ENTPD6: variants seen among roughly 807,000 people sequenced by gnomAD.
The protein encoded by ENTPD6 is ectonucleoside triphosphate diphosphohydrolase 6, also known as CD39 antigen-like 2.
A neutral mutation model predicts 61.5 loss-of-function variants in ENTPD6; 46 were observed. That is an observed-to-expected ratio of 0.75 (90% confidence interval 0.59 to 0.96). The LOEUF (loss-of-function observed/expected upper bound fraction) is 0.96. Among genes scored for constraint, ENTPD6 ranks in the 40% least tolerant of loss-of-function variants. The probability of loss-of-function intolerance (pLI) is 0.00; values close to 1 mark genes in which losing one functional copy is unlikely to be tolerated. For missense variants in ENTPD6, 612 were observed against 629.0 expected, an observed-to-expected ratio of 0.97 and a Z score of 0.29; for synonymous variants, 252 against 255.5, an observed-to-expected ratio of 0.99 and a Z score of 0.13.
rs1389696093 is a variant in ENTPD6, at chr20:25,207,392, C to A, written c.371C>A (p.Pro124His). The A allele has an allele frequency of 6.5e-7, 1 of 1,527,604 alleles. No individual in the cohort carries two copies. Among genetic ancestry groups the A allele is most frequent in the Non-Finnish European group, 8.8e-7 (1 of 1,134,074 alleles). The allele number at this position is 1,527,604 out of a possible 1,614,324, so 94.6% of individuals were successfully genotyped here. ...CACGTCTTCCAGTTCACCCGGCCCCCCAGAGGTACCCGCCTCTCATGGCAG... is the reference window on the plus strand; with the variant it reads ...CACGTCTTCCAGTTCACCCGGCCCCACAGAGGTACCCGCCTCTCATGGCAG... ...RVHVFQFTRP[P>H]RETPTLTHET... is the part of the protein sequence containing the mutation. Residue 124 changes from proline to histidine, a missense_variant, in exon 3 of 15, where the codon CCC (proline) becomes CAC (histidine). Pro to His is a moderately conservative substitution (Grantham distance 77). Coordinates refer to ENST00000376652, the MANE Select transcript of ENTPD6 (RefSeq NM_001247.5).
chr20:25,197,282 CCAA>C (rs1384357241), intron 1 of ENTPD6: 3 of 969,746 alleles, frequency 3.1e-6, no homozygotes, highest in South Asian at 4.8e-5. Context: ...GCTCCTACCA[CCAA>C]CAACACTGCT....
chr20:25,223,026 G>A (rs749139419), intron 12 of ENTPD6, 48 bp downstream of exon 12: 1 of 1,514,336 alleles, frequency 6.6e-7, no homozygotes, highest in Non-Finnish European at 9.0e-7. Flanking sequence ...GCGGCAGGGG[G>A]CGGGGGTGGA....
intron 2 of ENTPD6, among the ~76,000 whole-genome samples, 189 bp downstream of exon 2, chr20:25,206,779 T>A (rs1012245939): frequency 6.6e-6 from 1 of 152,226 alleles, no homozygotes; most frequent in African/African-American, 2.4e-5. Flanking sequence ...TGTCCCAAGC[T>A]GGTGGGACCC....
intron 4 of ENTPD6, among the ~76,000 whole-genome samples, chr20:25,211,854 G>A (rs1381568137): frequency 2.6e-5 from 4 of 152,090 alleles, no homozygotes; most frequent in Admixed American, 2.6e-4. Context: ...TATCACCCAG[G>A]CTGGAGTGCA....
chr20:25,206,933 G>T, intron 2 of ENTPD6, 143 bp from the exon 3 acceptor site: 1 of 736,762 alleles, frequency 1.4e-6, no homozygotes, highest in Non-Finnish European at 2.2e-6. Flanking sequence ...TAATTATGAG[G>T]CTCAAATGAA....
At chr20:25,202,422 G>A (rs6050429) in intron 1 of ENTPD6, among the ~76,000 whole-genome samples, 83,120 of 151,906 alleles carry the variant, frequency 0.55, 23,750 homozygotes, top group East Asian at 0.92. Flanking sequence ...TGTTTTTGAT[G>A]TTTTGTTATT....
intron 11 of ENTPD6, chr20:25,222,210 C>G (rs1378814648): frequency 6.5e-6 from 1 of 153,020 alleles, no homozygotes; most frequent in Non-Finnish European, 1.5e-5. Context: ...GTGGGGGACA[C>G]CAGGAGGAAA....
rs565323909 is a variant in ENTPD6 at position 25,207,219 on chromosome 20, C to T, written c.198C>T (p.Thr66=). The T allele has an allele frequency of 4.6e-5, 74 of 1,614,084 alleles. No homozygotes were observed. The highest frequency in any genetic ancestry group is 2.9e-4 in the South Asian group (26 of 91,078). Reference sequence around the variant, plus strand: ...CCTACATCAAGTGGCACCGGGCCACCGCCACCCAGGCCTTCTTCAGCATCA... The same window carrying T: ...CCTACATCAAGTGGCACCGGGCCACTGCCACCCAGGCCTTCTTCAGCATCA... ...YVAYIKWHRA[T]ATQAFFSITR... The change falls in exon 3 of 15, where the codon ACC becomes ACT. Residue 66 remains threonine (T), a synonymous_variant. Transcript: ENST00000376652.
intron 11 of ENTPD6, chr20:25,221,783 T>C (rs1465412162): frequency 7.7e-6 from 2 of 258,982 alleles, no homozygotes; most frequent in African/African-American, 2.2e-5. Flanking sequence ...CAGTTTCTTC[T>C]GAGAGAAATG....
chr20:25,216,632 G>A lies in ENTPD6; in HGVS notation c.710-16G>A. 6.3e-7 allele frequency: 1 copy of A among 1,583,098 alleles called. No homozygotes were observed. Among genetic ancestry groups the A allele is most frequent in the Non-Finnish European group, 8.6e-7 (1 of 1,163,928 alleles). On this transcript the variant is annotated splice_polypyrimidine_tract_variant and intron_variant, in intron 7 of 14. Coordinates refer to ENST00000376652, the MANE Select transcript of ENTPD6 (RefSeq NM_001247.5). ...TTACTAATGCCCCTGTGCTGTTTTT[G>A]CTTGCTGTGCTCCAGGCAGCTTGAA...
At chr20:25,203,067 TTTTG>T (rs1041796099) in intron 1 of ENTPD6, among the ~76,000 whole-genome samples, 3 of 152,232 alleles carry the variant, frequency 2.0e-5, no homozygotes, top group Admixed American at 6.5e-5. Flanking sequence ...TGACAGATTT[TTTTG>T]TTTGTTTGTT....
chr20:25,200,902 T>C (rs938406851), intron 1 of ENTPD6, among the ~76,000 whole-genome samples: 2 of 152,220 alleles, frequency 1.3e-5, no homozygotes, highest in Non-Finnish European at 2.9e-5. Context: ...GGTGTACAGT[T>C]AGGTTGTTTG....
At chr20:25,210,880 T>A (rs2091916429) in intron 4 of ENTPD6, among the ~76,000 whole-genome samples, 1 of 152,172 alleles carries the variant, frequency 6.6e-6, no homozygotes. Context: ...AAGCAGAGGT[T>A]GCAGTAAGCT....
intron 1 of ENTPD6, among the ~76,000 whole-genome samples, chr20:25,199,887 G>A (rs971188094): frequency 6.6e-6 from 1 of 152,208 alleles, no homozygotes; most frequent in Non-Finnish European, 1.5e-5. Flanking sequence ...GTATCCATCT[G>A]TCGATGGATG....
intron 4 of ENTPD6, among the ~76,000 whole-genome samples, 186 bp downstream of exon 4, chr20:25,210,111 G>A (rs952975406): frequency 6.6e-6 from 1 of 152,214 alleles, no homozygotes; most frequent in Non-Finnish European, 1.5e-5. Flanking sequence ...AGAGGAGAAC[G>A]CGCCCCCACC....
At chr20:25,198,696 T>C (rs2090745232) in intron 1 of ENTPD6, among the ~76,000 whole-genome samples, 1 of 152,208 alleles carries the variant, frequency 6.6e-6, no homozygotes, top group Non-Finnish European at 1.5e-5. Flanking sequence ...TGTTGTGGTA[T>C]GGGAGGTGCT....
chr20:25,215,679 T>A lies in ENTPD6; in HGVS notation c.677T>A (p.Val226Asp), dbSNP rs2092271315. The change falls in exon 7 of 15, where the codon GTT (valine) becomes GAT (aspartate). Residue 226 changes from valine (V) to aspartate (D), a missense_variant. Physicochemically the swap from Val to Asp is radical, Grantham distance 152 (BLOSUM62 -3). Coordinates refer to ENST00000376652, the MANE Select transcript of ENTPD6 (RefSeq NM_001247.5). ...TGCCTGTGACACTCTCTTGCAGGCG[T>A]TTCGGCGTGGATCACCATCAACTTC... ...VSIMNGTDEG[V>D]SAWITINFLT... The A allele has an allele frequency of 1.2e-6, 2 of 1,614,098 alleles. No homozygotes were observed. The highest frequency in any genetic ancestry group is 1.7e-6 in the Non-Finnish European group (2 of 1,180,026).
At chr20:25,224,345 C>G (rs1302035753) in intron 13 of ENTPD6, 188 bp downstream of exon 13, 2 of 470,158 alleles carry the variant, frequency 4.3e-6, no homozygotes, top group Non-Finnish European at 7.6e-6. Flanking sequence ...GGAACTGGGT[C>G]CCTCGATTCC....
intron 12 of ENTPD6, chr20:25,223,826 A>G: frequency 3.0e-6 from 1 of 329,232 alleles, no homozygotes; most frequent in East Asian, 4.6e-5. Flanking sequence ...AATTTTACTC[A>G]ATTTGGGGTC....
Sources: allele counts gnomAD v4.1 joint callset (sites outside exome capture counted in the v4.1 genomes callset), GRCh38; gene constraint gnomAD v4.1.1; transcripts MANE v1.5; gene names NCBI Gene and HGNC (gene_info 2026-07-23, HGNC 2026-07-21).